Variants in PYM1 observed in about 807,000 individuals in gnomAD.
PYM1 encodes the protein partner of Y14 and mago.
In PYM1, 7 loss-of-function variants were observed where a neutral mutation model predicts 20.7. The observed-to-expected ratio is 0.34, with a 90% CI of 0.19 to 0.64. The LOEUF (loss-of-function observed/expected upper bound fraction) is 0.64. Among genes scored for constraint, PYM1 ranks in the 30% least tolerant of loss-of-function variants. The pLI is 0.74. For synonymous variants in PYM1, 100 were observed against 99.2 expected, an observed-to-expected ratio of 1.01 and a Z score of -0.05; for missense variants, 194 against 250.0, an observed-to-expected ratio of 0.78 and a Z score of 1.51.
chr12:55,927,661 C>G (rs1423817797), intron 1 of PYM1, 64 bp downstream of exon 1: 2 of 1,528,722 alleles, frequency 1.3e-6, no homozygotes, highest in African/African-American at 2.7e-5. Context: ...GTCGGCCAAC[C>G]CACTCAACCA....
At chr12:55,914,778 G>T (rs772464) in intron 1 of PYM1, among the ~76,000 whole-genome samples, 5,843 of 152,212 alleles carry the variant, frequency 0.038, 382 homozygotes, top group African/African-American at 0.13. Context: ...AAGAGAAGAT[G>T]AGAGCTGGAG....
At chr12:55,905,854 A>ATATATATC (rs1882791785) in intron 1 of PYM1, among the ~76,000 whole-genome samples, 4 of 35,490 alleles carry the variant, frequency 1.1e-4, no homozygotes, top group Non-Finnish European at 2.9e-4. Context: ...TATATATTAT[A>ATATATATC]TATTAGATAT....
intron 1 of PYM1, among the ~76,000 whole-genome samples, chr12:55,905,841 A>T (rs1252548725): frequency 6.5e-5 from 8 of 123,664 alleles, no homozygotes; most frequent in Non-Finnish European, 1.1e-4. Context: ...TATATATTAG[A>T]TATATATATT....
intron 1 of PYM1, among the ~76,000 whole-genome samples, chr12:55,904,021 T>C (rs985446302): frequency 1.3e-5 from 2 of 152,068 alleles, no homozygotes; most frequent in African/African-American, 4.8e-5. Context: ...AAGGCTGGAG[T>C]GCAGTGGTGC....
In PYM1 at chr12:55,901,880, C is replaced by T. The variant is rs773302734; in HGVS notation, c.607G>A (p.Gly203Ser). 2 of 1,607,192 alleles carry T rather than the reference C, an allele frequency of 1.2e-6. No individual in the cohort carries two copies. Among genetic ancestry groups the T allele is most frequent in the East Asian group, 4.5e-5 (2 of 44,846 alleles). ...LEEELEDLEL[G>S]L ...CCTATTCCCCAAAGGCCTCAGAGGC[C>T]TAACTCCAAGTCCTCTAACTCCTCT... Residue 203 changes from glycine (G) to serine (S), a missense_variant, in exon 3 of 3, where the codon GGC becomes AGC. By Grantham distance (56) the Gly-to-Ser change is moderately conservative. This residue lies in a region of PYM1 where 158 missense variants were observed against 179.0 expected (regional missense o/e 0.88). Coordinates refer to ENST00000408946, the MANE Select transcript of PYM1 (RefSeq NM_032345.3).
intron 1 of PYM1, among the ~76,000 whole-genome samples, chr12:55,904,274 G>A (rs1025693945): frequency 9.3e-5 from 14 of 151,154 alleles, no homozygotes; most frequent in Admixed American, 1.3e-4. Context: ...GCCTTTAAAG[G>A]GTATTCGTTG....
intron 1 of PYM1, among the ~76,000 whole-genome samples, chr12:55,909,583 GAA>G (rs748616161): frequency 0.011 from 1,372 of 129,456 alleles, 28 homozygotes; most frequent in African/African-American, 0.036. Context: ...GGGTGACTTG[GAA>G]AAAAAAAAAA....
intron 1 of PYM1, among the ~76,000 whole-genome samples, chr12:55,912,339 G>A (rs1357240765): frequency 2.0e-5 from 3 of 151,420 alleles, no homozygotes; most frequent in Non-Finnish European, 4.4e-5. Flanking sequence ...GTGATAGAGC[G>A]AGACTCCACC....
Position 55,902,156 on chromosome 12 carries a change from T to G in PYM1, c.331A>C (p.Arg111=), listed in dbSNP as rs1372066358. Residue 111 remains arginine (R), a synonymous_variant, in exon 3 of 3, where the codon AGG becomes CGG. Transcript: ENST00000408946. The stretch of plus-strand genomic sequence containing the variant: ...TCCAGGGACACCTTATCAAGAGTCC[T>G]GCTCAAGGCCTCTGCCTCTCCTTTC... The part of the protein sequence containing the change: ...QEKGEAEALS[R]TLDKVSLEET... 6.2e-7 allele frequency: 1 copy of G among 1,614,050 alleles called. No homozygotes were observed. Among genetic ancestry groups the G allele is most frequent in the East Asian group, 2.2e-5 (1 of 44,874 alleles).
chr12:55,924,298 T>C (rs1883152005), intron 1 of PYM1, among the ~76,000 whole-genome samples: 1 of 151,992 alleles, frequency 6.6e-6, no homozygotes, highest in African/African-American at 2.4e-5. Flanking sequence ...TGCAAAGAGT[T>C]AAGAACAAAT....
intron 1 of PYM1, among the ~76,000 whole-genome samples, chr12:55,917,989 C>A (rs1404363157): frequency 6.6e-6 from 1 of 151,600 alleles, no homozygotes; most frequent in East Asian, 1.9e-4. Context: ...AAAAAAAAAA[C>A]TTAACTATTG....
intron 1 of PYM1, among the ~76,000 whole-genome samples, chr12:55,921,131 A>C (rs1052378189): frequency 1.1e-4 from 17 of 152,230 alleles, no homozygotes; most frequent in Non-Finnish European, 2.2e-4. Flanking sequence ...AACAGAAACT[A>C]GAATTTTAGC....
Position 55,901,808 on chromosome 12 carries a change from T to C in PYM1, c.*64A>G, listed in dbSNP as rs1172099104. 65 of 1,530,600 alleles carry C rather than the reference T, an allele frequency of 4.2e-5. No homozygotes were observed. The highest frequency in any genetic ancestry group is 5.7e-5 in the Non-Finnish European group (65 of 1,143,732). 94.8% of individuals were successfully genotyped at this position (1,530,600 alleles called of 1,614,324 possible). ...CCCCTCCTGACTGCTGTTGCCCGTATTCCCCCAGACCCCAGAGAGCCCCAC... is the reference window on the plus strand; with the variant it reads ...CCCCTCCTGACTGCTGTTGCCCGTACTCCCCCAGACCCCAGAGAGCCCCAC... On this transcript the variant is annotated 3_prime_UTR_variant, in exon 3 of 3. Transcript: ENST00000408946.
intron 2 of PYM1, 97 bp from the exon 3 acceptor site, chr12:55,902,452 G>A: frequency 1.4e-6 from 2 of 1,471,430 alleles, no homozygotes; most frequent in Non-Finnish European, 1.8e-6. Context: ...TTACATTCTT[G>A]CTTCCTTTTT....
At chr12:55,912,259 G>A (rs962647453) in intron 1 of PYM1, among the ~76,000 whole-genome samples, 46 of 151,860 alleles carry the variant, frequency 3.0e-4, no homozygotes, top group African/African-American at 1.1e-3. Flanking sequence ...GGCTAAGGTG[G>A]GACAATCACT....
chr12:55,912,951 CA>C, intron 1 of PYM1, among the ~76,000 whole-genome samples: 1 of 150,382 alleles, frequency 6.6e-6, no homozygotes, highest in East Asian at 1.9e-4. Context: ...GCAACAAGAG[CA>C]AAACTCCGTC....
intron 1 of PYM1, among the ~76,000 whole-genome samples, chr12:55,913,322 G>A (rs1882956182): frequency 6.6e-6 from 1 of 152,192 alleles, no homozygotes; most frequent in Admixed American, 6.6e-5. Flanking sequence ...AATATGGACT[G>A]AATTAATGAA....
chr12:55,927,775 G>A lies in PYM1; in HGVS notation c.-14C>T. 3 of 1,538,428 alleles carry A rather than the reference G, an allele frequency of 2.0e-6. No homozygotes were observed. Among genetic ancestry groups the A allele is most frequent in the Non-Finnish European group, 2.6e-6 (3 of 1,146,100 alleles). On this transcript the variant is annotated 5_prime_UTR_variant, in exon 1 of 3. Coordinates refer to ENST00000408946, the MANE Select transcript of PYM1 (RefSeq NM_032345.3). ...GGCAGCTTCCATGGCCGAAGAGGCA[G>A]CGGACCAGGTTGGGCGGGCGGCCCT...
At chr12:55,915,077 T>C (rs980528162) in intron 1 of PYM1, among the ~76,000 whole-genome samples, 2 of 151,824 alleles carry the variant, frequency 1.3e-5, no homozygotes, top group South Asian at 4.2e-4. Flanking sequence ...TAGCCGGGCA[T>C]GGAGGCACAT....
Sources: allele counts gnomAD v4.1 joint callset (sites outside exome capture counted in the v4.1 genomes callset), GRCh38; gene constraint gnomAD v4.1.1; regional missense constraint gnomAD v4.1.1; transcripts MANE v1.5; gene names NCBI Gene and HGNC (gene_info 2026-07-23, HGNC 2026-07-21).